Variants in NUMB observed in about 807,000 individuals in gnomAD.
NUMB encodes protein numb homolog.
In NUMB, 29 loss-of-function variants were observed where a neutral mutation model predicts 59.7. The ratio of observed to expected loss-of-function variants is 0.49; its 90% confidence interval spans 0.36 to 0.66. NUMB has a LOEUF of 0.66. Among genes scored for constraint, NUMB ranks in the 30% least tolerant of loss-of-function variants. The probability of loss-of-function intolerance (pLI) is 0.00; values close to 1 mark genes in which losing one functional copy is unlikely to be tolerated. For missense variants in NUMB, 723 were observed against 822.0 expected (o/e 0.88, Z 1.47); for synonymous variants, 288 against 288.2 (o/e 1.00, Z 0.01).
At chr14:73,282,634 G>A (rs1888708738) in intron 10 of NUMB, 129 bp from the exon 11 acceptor site, 5 of 971,710 alleles carry the variant, frequency 5.1e-6, no homozygotes, top group Non-Finnish European at 7.2e-6. Context: ...TTAACTGTAT[G>A]GCAGGGCTAC....
intron 2 of NUMB, among the ~76,000 whole-genome samples, chr14:73,376,600 C>T (rs929081543): frequency 6.6e-6 from 1 of 151,504 alleles, no homozygotes; most frequent in Admixed American, 6.6e-5. Context: ...ATAGCCAACT[C>T]AATATGCTAC....
At chr14:73,283,123 G>C (rs955309520) in intron 10 of NUMB, among the ~76,000 whole-genome samples, 6 of 152,190 alleles carry the variant, frequency 3.9e-5, no homozygotes, top group African/African-American at 1.4e-4. Context: ...GGATACTTCT[G>C]TATCACTGAG....
At chr14:73,292,624 C>A (rs1466797272) in intron 8 of NUMB, 110 bp downstream of exon 8, 4 of 1,067,466 alleles carry the variant, frequency 3.7e-6, no homozygotes, top group African/African-American at 3.2e-5. Flanking sequence ...AGTTTAGGCA[C>A]TTCCAAGTAC....
intron 2 of NUMB, among the ~76,000 whole-genome samples, chr14:73,372,343 T>TTA (rs60502086): frequency 0.31 from 30,868 of 99,648 alleles, 5,015 homozygotes; most frequent in East Asian, 0.64. Context: ...ATATAACCTT[T>TTA]TATATATATA....
intron 6 of NUMB, chr14:73,297,990 G>A (rs1350122838): frequency 6.6e-6 from 1 of 151,932 alleles, no homozygotes; most frequent in Non-Finnish European, 1.5e-5. Context: ...CCGGGTTTAA[G>A]TGATTCTCCT....
intron 2 of NUMB, among the ~76,000 whole-genome samples, chr14:73,388,728 T>C (rs1594977878): frequency 6.6e-6 from 1 of 151,962 alleles, no homozygotes; most frequent in Admixed American, 6.6e-5. Flanking sequence ...TTTGAGAGGC[T>C]GAGGCGGGCG....
At chr14:73,423,589 CA>C (rs1345708318) in intron 1 of NUMB, among the ~76,000 whole-genome samples, 1 of 149,440 alleles carries the variant, frequency 6.7e-6, no homozygotes, top group Non-Finnish European at 1.5e-5. Flanking sequence ...TGCAGTGAGC[CA>C]AAATCACGCC....
At chr14:73,365,083 A>C (rs938920633) in intron 3 of NUMB, among the ~76,000 whole-genome samples, 2 of 152,234 alleles carry the variant, frequency 1.3e-5, no homozygotes, top group Admixed American at 6.5e-5. Flanking sequence ...TGTGTCACCC[A>C]GGCTGGAGTG....
chr14:73,355,568 A>G (rs956000105), intron 4 of NUMB, 58 bp downstream of exon 4: 1 of 1,501,398 alleles, frequency 6.7e-7, no homozygotes, highest in South Asian at 1.3e-5. Context: ...GAGATTTCAC[A>G]TACACTAGAT....
chr14:73,457,558 C>T (rs929870152), intron 1 of NUMB: 1 of 152,266 alleles, frequency 6.6e-6, no homozygotes, highest in Non-Finnish European at 1.5e-5. Flanking sequence ...CCCACCTCCG[C>T]CCATCTCCGT....
intron 5 of NUMB, among the ~76,000 whole-genome samples, chr14:73,320,422 A>AG: frequency 6.6e-6 from 1 of 152,324 alleles, no homozygotes; most frequent in Admixed American, 6.5e-5. Context: ...TTATAGAGAC[A>AG]GGGTCTCACT....
chr14:73,326,111 A>G (rs1891647734), intron 4 of NUMB, among the ~76,000 whole-genome samples: 1 of 152,172 alleles, frequency 6.6e-6, no homozygotes, highest in South Asian at 2.1e-4. Flanking sequence ...AGGCACAGGA[A>G]GGGAGGAGCT....
chr14:73,332,402 C>T (rs939663314), intron 4 of NUMB, among the ~76,000 whole-genome samples: 4 of 151,904 alleles, frequency 2.6e-5, no homozygotes, highest in African/African-American at 7.3e-5. Context: ...TACAGGCGTA[C>T]GCCACCACAC....
intron 2 of NUMB, among the ~76,000 whole-genome samples, chr14:73,404,447 C>T (rs563157705): frequency 1.3e-5 from 2 of 152,044 alleles, no homozygotes; most frequent in African/African-American, 4.8e-5. Flanking sequence ...AAGATGCATG[C>T]TCAAGTATTT....
chr14:73,367,348 T>TATATAGAGAGAGAGAGAGAG (rs1555375287), intron 2 of NUMB, among the ~76,000 whole-genome samples: 177 of 105,286 alleles, frequency 1.7e-3, no homozygotes, highest in African/African-American at 4.5e-3. Context: ...TATATATATA[T>TATATAGAGAGAGAGAGAGAG]AGAGAGAGAG....
chr14:73,411,418 A>G (rs1387923157), intron 1 of NUMB, among the ~76,000 whole-genome samples: 5 of 150,078 alleles, frequency 3.3e-5, no homozygotes, highest in African/African-American at 5.0e-5. Flanking sequence ...ATAAGATGCT[A>G]TAAGAGGCCA....
intron 2 of NUMB, among the ~76,000 whole-genome samples, chr14:73,371,139 T>C (rs975109516): frequency 6.6e-6 from 1 of 152,136 alleles, no homozygotes; most frequent in East Asian, 1.9e-4. Flanking sequence ...AAACACACTA[T>C]ATACCATTTT....
intron 9 of NUMB, among the ~76,000 whole-genome samples, chr14:73,285,951 A>G (rs768790436): frequency 5.3e-5 from 8 of 151,488 alleles, no homozygotes; most frequent in Non-Finnish European, 7.4e-5. Context: ...ACCGAAATCA[A>G]ACCAAAACAA....
At chr14:73,374,113 G>A (rs897153955) in intron 2 of NUMB, among the ~76,000 whole-genome samples, 3 of 151,990 alleles carry the variant, frequency 2.0e-5, no homozygotes, top group African/African-American at 7.2e-5. Flanking sequence ...TAGGTGATCC[G>A]CCCACCTTGG....
Sources: gnomAD v4.1 joint callset for allele counts (sites outside exome capture counted in the v4.1 genomes callset) on GRCh38, gnomAD v4.1.1 for gene constraint, MANE v1.5 for transcripts, NCBI Gene and HGNC (gene_info 2026-07-23, HGNC 2026-07-21) for gene names.